Variants in NMBR observed in about 807,000 individuals in gnomAD.
NMBR encodes the protein neuromedin B receptor.
NMBR carries 16 observed loss-of-function variants against 20.5 expected under a neutral mutation model. That is an observed-to-expected ratio of 0.78 (90% confidence interval 0.53 to 1.19). The LOEUF is 1.19. Ranked by LOEUF, NMBR falls within the 50% of genes most tolerant of loss-of-function variation. The pLI is 0.00. For synonymous variants in NMBR, 212 were observed against 196.6 expected (o/e 1.08, Z -0.65); for missense variants, 582 against 499.1 (o/e 1.17, Z -1.58).
chr6:142,097,612 A>T (rs1446234878), intron 1 of NMBR, among the ~76,000 whole-genome samples: 1 of 152,116 alleles, frequency 6.6e-6, no homozygotes, highest in African/African-American at 2.4e-5. Context: ...GCTGTCTGTG[A>T]TGTTTAAACT....
intron 1 of NMBR, among the ~76,000 whole-genome samples, chr6:142,117,376 A>G (rs1777873717): frequency 6.6e-6 from 1 of 151,968 alleles, no homozygotes; most frequent in Non-Finnish European, 1.5e-5. Context: ...TTTTAAATAT[A>G]AATTAGCACA....
intron 1 of NMBR, among the ~76,000 whole-genome samples, chr6:142,089,714 G>A (rs571778576): frequency 1.3e-5 from 2 of 152,192 alleles, no homozygotes; most frequent in East Asian, 3.9e-4. Flanking sequence ...TTTTTCTCAG[G>A]TGGCATTTTT....
At chr6:142,098,724 T>G (rs1365180099) in intron 1 of NMBR, among the ~76,000 whole-genome samples, 1 of 152,172 alleles carries the variant, frequency 6.6e-6, no homozygotes, top group Non-Finnish European at 1.5e-5. Flanking sequence ...CAAGTTTTCC[T>G]TGTCAAGTTG....
intron 1 of NMBR, among the ~76,000 whole-genome samples, chr6:142,093,158 T>C (rs889596481): frequency 4.6e-5 from 7 of 152,126 alleles, no homozygotes; most frequent in Non-Finnish European, 7.4e-5. Flanking sequence ...TTTTTTCTTT[T>C]TTTTTAATTA....
chr6:142,140,804 A>G (rs1001850316), intron 1 of NMBR, among the ~76,000 whole-genome samples: 4 of 152,192 alleles, frequency 2.6e-5, no homozygotes, highest in Admixed American at 1.3e-4. Context: ...AGAAAACTCA[A>G]GTCAATTTTA....
chr6:142,118,754 A>G (rs1464009062), intron 1 of NMBR, among the ~76,000 whole-genome samples: 4 of 152,010 alleles, frequency 2.6e-5, no homozygotes, highest in African/African-American at 9.7e-5. Flanking sequence ...CAGTTGTACA[A>G]CTTTTTATCT....
chr6:142,135,630 T>C (rs529031251), intron 1 of NMBR, among the ~76,000 whole-genome samples: 8 of 149,104 alleles, frequency 5.4e-5, no homozygotes, highest in South Asian at 4.4e-4. Flanking sequence ...TATCTCCTAA[T>C]GCTATCCCTC....
At chr6:142,142,781 G>C (rs550576942) in intron 1 of NMBR, among the ~76,000 whole-genome samples, 1 of 151,882 alleles carries the variant, frequency 6.6e-6, no homozygotes, top group South Asian at 2.1e-4. Flanking sequence ...TCTAAAGAAC[G>C]TTCCAAAAAA....
intron 1 of NMBR, among the ~76,000 whole-genome samples, chr6:142,097,928 G>GA (rs1777490546): frequency 6.6e-6 from 1 of 151,800 alleles, no homozygotes; most frequent in Admixed American, 6.6e-5. Context: ...ATTAGCAGCA[G>GA]AAAAAAACAC....
intron 1 of NMBR, among the ~76,000 whole-genome samples, chr6:142,144,790 C>T (rs1778404979): frequency 6.6e-6 from 1 of 151,990 alleles, no homozygotes; most frequent in Admixed American, 6.5e-5. Flanking sequence ...AGGCTCTTGT[C>T]TGTAATCTCA....
At chr6:142,121,183 ATGT>A (rs1489739600) in intron 1 of NMBR, among the ~76,000 whole-genome samples, 2 of 151,910 alleles carry the variant, frequency 1.3e-5, no homozygotes, top group Non-Finnish European at 2.9e-5. Context: ...TCATTGACAA[ATGT>A]TGTGTGTGTT....
chr6:142,103,935 C>T (rs576982099), intron 1 of NMBR, among the ~76,000 whole-genome samples: 88 of 152,302 alleles, frequency 5.8e-4, no homozygotes, highest in Non-Finnish European at 9.0e-4. Context: ...TTCAAGAGTG[C>T]TTGTCAGGGT....
chr6:142,075,586 T>C lies in NMBR; in HGVS notation c.*62A>G, dbSNP rs1776916979. 1.4e-6 allele frequency: 2 copies of C among 1,467,620 alleles called. No individual in the cohort carries two copies. Among genetic ancestry groups the C allele is most frequent in the Admixed American group, 4.6e-5 (2 of 43,530 alleles). 90.9% of individuals were successfully genotyped at this position (1,467,620 alleles called of 1,614,324 possible). Reference sequence around the variant, plus strand: ...AGCTAAGCAACAGCAAGTTCTGATCTGCCGAATAGGAATTTTAACAGTTAC... The same window carrying C: ...AGCTAAGCAACAGCAAGTTCTGATCCGCCGAATAGGAATTTTAACAGTTAC... On this transcript the variant is annotated 3_prime_UTR_variant, in exon 4 of 4. Transcript: ENST00000258042.
rs573025859 is a variant in NMBR at position 142,141,485 on chromosome 6, C to T, written c.-664+5559G>A. ...GTTATATTGTGATTTTAACTGCTCA[C>T]TTTCTGAAGTTGTGTTGCTTTGTTT... On this transcript the variant is annotated intron_variant, in intron 1 of 3. Coordinates refer to ENST00000258042, the MANE Select transcript of NMBR (RefSeq NM_002511.4). Among the ~76,000 whole-genome samples the T allele has an allele frequency of 4.6e-5, 7 of 151,390 alleles. No homozygotes were observed. In the South Asian group the frequency reaches 1.5e-3, roughly 32 times the overall value.
At chr6:142,102,303 T>A (rs984106301) in intron 1 of NMBR, among the ~76,000 whole-genome samples, 6 of 147,756 alleles carry the variant, frequency 4.1e-5, no homozygotes, top group Non-Finnish European at 8.9e-5. Context: ...GGCAGGAGAA[T>A]GGCATGAACC....
rs574481712 is a variant in NMBR at position 142,121,301 on chromosome 6, A to G, written c.-664+25743T>C. ...TGAAATTAGGCCAAATAATAACCCA[A>G]CAAAGGCCTCTAAGTGTTCAAGCAA... On this transcript the variant is annotated intron_variant, in intron 1 of 3. Coordinates refer to ENST00000258042, the MANE Select transcript of NMBR (RefSeq NM_002511.4). Among the ~76,000 whole-genome samples the G allele has an allele frequency of 3.0e-4, 46 of 151,946 alleles. No homozygotes were observed. In the Middle Eastern group the frequency reaches 0.014, roughly 45 times the overall value.
chr6:142,145,831 A>C (rs1778423151), intron 1 of NMBR, among the ~76,000 whole-genome samples: 1 of 152,214 alleles, frequency 6.6e-6, no homozygotes, highest in South Asian at 2.1e-4. Flanking sequence ...AGATACTGAC[A>C]TTTAGGATCC....
In NMBR at chr6:142,094,631, C is replaced by T. The variant is rs182197251; in HGVS notation, c.-663-5310G>A. Among the ~76,000 whole-genome samples, 88 of 152,174 alleles carry T rather than the reference C, an allele frequency of 5.8e-4. 1 individual carries two copies. Among genetic ancestry groups the T allele is most frequent in the African/African-American group, 1.9e-3 (79 of 41,530 alleles). On this transcript the variant is annotated intron_variant, in intron 1 of 3. Transcript: ENST00000258042. Reference sequence around the variant, plus strand: ...TTGGCTTAGGATTGACTTGGCTATGCGGGCTCTTTTTTGGTTCCATATGAA... The same window carrying T: ...TTGGCTTAGGATTGACTTGGCTATGTGGGCTCTTTTTTGGTTCCATATGAA...
intron 2 of NMBR, among the ~76,000 whole-genome samples, chr6:142,082,379 A>C (rs191387954): frequency 8.2e-4 from 125 of 152,318 alleles, no homozygotes; most frequent in Non-Finnish European, 1.5e-3. Context: ...CAATTGTGGT[A>C]AAGTGGGTGG....
Sources: gnomAD v4.1 joint callset for allele counts (sites outside exome capture counted in the v4.1 genomes callset) on GRCh38, gnomAD v4.1.1 for gene constraint, MANE v1.5 for transcripts, NCBI Gene and HGNC (gene_info 2026-07-23, HGNC 2026-07-21) for gene names.